The following FBXO6 variants were observed in gnomAD, a reference collection of about 807,000 sequenced individuals.
The protein encoded by FBXO6 is F-box protein 6, also known as F-box only protein 6.
FBXO6 carries 13 observed loss-of-function variants against 25.0 expected under a neutral mutation model. That is an observed-to-expected ratio of 0.52 (90% confidence interval 0.34 to 0.83). FBXO6 has a LOEUF of 0.83. Among genes scored for constraint, FBXO6 ranks in the 40% least tolerant of loss-of-function variants. The probability of loss-of-function intolerance (pLI) is 0.02; values close to 1 mark genes in which losing one functional copy is unlikely to be tolerated. For missense variants in FBXO6, 370 were observed against 380.2 expected (o/e 0.97, Z 0.22); for synonymous variants, 138 against 155.3 (o/e 0.89, Z 0.83).
At chr1:11,664,889 G>T (rs1016234596) in intron 1 of FBXO6, among the ~76,000 whole-genome samples, 3 of 152,286 alleles carry the variant, frequency 2.0e-5, no homozygotes, top group Admixed American at 6.5e-5. Context: ...CCAGGGCCGG[G>T]GGGGGGAAGG....
chr1:11,668,899 C>T lies in FBXO6; in HGVS notation c.241C>T (p.Leu81=), dbSNP rs756477067. 3.1e-6 allele frequency: 5 copies of T among 1,614,090 alleles called. 1 individual carries two copies. Among genetic ancestry groups the T allele is most frequent in the South Asian group, 2.2e-5 (2 of 91,082 alleles). ...PVADWKIFYF[L]RSLHRNLLRN... is the part of the protein sequence containing the mutation. ...GGCCGACTGGAAAATCTTCTACTTC[C>T]TACGGAGCCTGCATAGGAACCTCCT... Residue 81 remains leucine (L), a synonymous_variant, in exon 2 of 6, where the codon CTA becomes TTA. Transcript: ENST00000376753.
intron 2 of FBXO6, among the ~76,000 whole-genome samples, chr1:11,669,712 A>G (rs1640560248): frequency 7.2e-6 from 1 of 139,358 alleles, no homozygotes; most frequent in South Asian, 2.3e-4. Context: ...GTATACATAT[A>G]TGTGTATACA....
chr1:11,668,091 CAAA>C (rs371283288), intron 1 of FBXO6, among the ~76,000 whole-genome samples: 5 of 122,400 alleles, frequency 4.1e-5, no homozygotes, highest in Non-Finnish European at 6.8e-5. Context: ...GACTCTGTCT[CAAA>C]AAAAAAAAAA....
In FBXO6 at chr1:11,673,690, T is replaced by C. The variant is rs367910539; in HGVS notation, c.721T>C (p.Tyr241His). 3 of 1,613,884 alleles carry C rather than the reference T, an allele frequency of 1.9e-6. No homozygotes were observed. Among genetic ancestry groups the C allele is most frequent in the South Asian group, 2.2e-5 (2 of 91,080 alleles). Residue 241 changes from tyrosine to histidine, a missense_variant, in exon 6 of 6, where the codon TAC (tyrosine) becomes CAC (histidine). Coordinates refer to ENST00000376753, the MANE Select transcript of FBXO6 (RefSeq NM_018438.6). The surrounding 1 kb of genome is among the most constrained non-coding windows in gnomAD (Gnocchi z 4.3). ...LFQHGGRDTQ[Y>H]WAGWYGPRVT... ...CCAGCATGGGGGCAGGGACACCCAG[T>C]ACTGGGCAGGCTGGTATGGGCCCCG...
At position 11,668,880 on chromosome 1, in the gene FBXO6, C is replaced by A. The variant is rs1215742828; in HGVS notation, c.222C>A (p.Asp74Glu). ...ITKDWDQPVA[D>E]WKIFYFLRSL... The stretch of plus-strand genomic sequence containing the variant: ...AGGACTGGGACCAGCCCGTGGCCGA[C>A]TGGAAAATCTTCTACTTCCTACGGA... The change falls in exon 2 of 6, where the codon GAC (aspartate) becomes GAA (glutamate). Residue 74 changes from aspartate (D) to glutamate (E), a missense_variant. Asp to Glu is a conservative substitution (Grantham distance 45). Transcript: ENST00000376753. 2 of 1,614,184 alleles carry A rather than the reference C, an allele frequency of 1.2e-6. No homozygotes were observed. Among genetic ancestry groups the A allele is most frequent in the East Asian group, 4.5e-5 (2 of 44,874 alleles).
chr1:11,668,546 GCCA>G (rs1179319941), intron 1 of FBXO6, 107 bp from the exon 2 acceptor site: 3 of 1,368,036 alleles, frequency 2.2e-6, no homozygotes, highest in Non-Finnish European at 3.0e-6. Flanking sequence ...CCAGGCATGT[GCCA>G]CCACACCTGG....
intron 2 of FBXO6, among the ~76,000 whole-genome samples, chr1:11,670,642 G>T (rs1222088264): frequency 3.3e-5 from 5 of 151,444 alleles, no homozygotes; most frequent in African/African-American, 7.3e-5. Context: ...AAAAAAAGGG[G>T]GGGGGGGTGT....
In FBXO6 at chr1:11,671,367, A is replaced by G; in HGVS notation, c.388A>G (p.Lys130Glu). 6.2e-7 allele frequency: 1 copy of G among 1,614,116 alleles called. No homozygotes were observed. Among genetic ancestry groups the G allele is most frequent in the Non-Finnish European group, 8.5e-7 (1 of 1,179,976 alleles). Residue 130 changes from lysine (K) to glutamate (E), a missense_variant, in exon 3 of 6, where the codon AAG becomes GAG. Physicochemically the swap from Lys to Glu is moderately conservative, Grantham distance 56. Coordinates refer to ENST00000376753, the MANE Select transcript of FBXO6 (RefSeq NM_018438.6). ...GACAGATTTTCCTGACCCCAAAGTCAAGAAGTATTTTGTCACATCCTACGA... is the reference window on the plus strand; with the variant it reads ...GACAGATTTTCCTGACCCCAAAGTCGAGAAGTATTTTGTCACATCCTACGA... ...HGTDFPDPKV[K>E]KYFVTSYEMC...
At chr1:11,670,865 G>A (rs1640598314) in intron 2 of FBXO6, among the ~76,000 whole-genome samples, 1 of 152,220 alleles carries the variant, frequency 6.6e-6, no homozygotes, top group African/African-American at 2.4e-5. Context: ...TGAGGAAGGG[G>A]TTGGTTTAGA....
rs1432767230 is a variant in FBXO6, at chr1:11,664,625, C to G, written c.-4+370C>G. 10 of 152,102 alleles carry G rather than the reference C, an allele frequency of 6.6e-5. No individual in the cohort carries two copies. The South Asian group carries it at 8.3e-4, about 13-fold the overall frequency. The allele number at this position is 152,102 out of a possible 1,614,324, so 9.4% of individuals were successfully genotyped here. A position where few individuals can be genotyped will look rare whatever the true frequency, so the allele number is the denominator to read the frequency against. On this transcript the variant is annotated intron_variant, in intron 1 of 5. Transcript: ENST00000376753. Reference sequence around the variant, plus strand: ...GGCCGCCTCCACCCCGGCCACATCCCGAGGCCGGCGCCGGGTTCGGAGAAC... The same window carrying G: ...GGCCGCCTCCACCCCGGCCACATCCGGAGGCCGGCGCCGGGTTCGGAGAAC...
At chr1:11,668,292 T>C (rs866543426) in intron 1 of FBXO6, among the ~76,000 whole-genome samples, 2 of 152,092 alleles carry the variant, frequency 1.3e-5, no homozygotes, top group Non-Finnish European at 2.9e-5. Context: ...TCTAAAGACT[T>C]TACTATTTGT....
intron 3 of FBXO6, among the ~76,000 whole-genome samples, chr1:11,671,605 G>A (rs1375596347): frequency 6.6e-6 from 1 of 152,234 alleles, no homozygotes; most frequent in Non-Finnish European, 1.5e-5. Context: ...CAGGCCAGGA[G>A]TCCATTGGGC....
intron 1 of FBXO6, among the ~76,000 whole-genome samples, chr1:11,667,277 G>A (rs1398952811): frequency 2.6e-5 from 4 of 152,194 alleles, no homozygotes; most frequent in South Asian, 2.1e-4. Flanking sequence ...CCTGGCTGCC[G>A]GCCAACCCCC....
chr1:11,671,826 C>A, intron 3 of FBXO6, 102 bp from the exon 4 acceptor site: 1 of 1,094,076 alleles, frequency 9.1e-7, no homozygotes, highest in South Asian at 1.3e-5. Flanking sequence ...CCTAGGTCCC[C>A]AAACCACCTC....
rs770809552 is a variant in FBXO6, at chr1:11,673,746, C to T, written c.777C>T (p.Pro259=). ...CCAACAGCAGCATTGTCGTCAGCCC[C>T]AAGATGACCAGGAACCAGGCCTCCT... is the stretch of plus-strand genomic sequence containing the variant. ...RVTNSSIVVS[P]KMTRNQASSE... The change falls in exon 6 of 6, where the codon CCC becomes CCT. Residue 259 remains proline, a synonymous_variant. Transcript: ENST00000376753. The surrounding 1 kb of genome is among the most constrained non-coding windows in gnomAD (Gnocchi z 4.3). 7.4e-6 allele frequency: 12 copies of T among 1,613,992 alleles called. No individual in the cohort carries two copies. The highest frequency in any genetic ancestry group is 1.6e-4 in the Middle Eastern group (1 of 6,084).
chr1:11,669,242 G>T (rs1640535837), intron 2 of FBXO6, among the ~76,000 whole-genome samples: 1 of 152,186 alleles, frequency 6.6e-6, no homozygotes, highest in Non-Finnish European at 1.5e-5. Flanking sequence ...GAGATGGGCG[G>T]ATCACCTGAG....
Position 11,665,215 on chromosome 1 carries a change from CTT to C in FBXO6, c.-4+986_-4+987del, listed in dbSNP as rs541103021. 1.7e-3 allele frequency among the ~76,000 whole-genome samples: 103 copies of C among 61,562 alleles called. 1 individual carries two copies. Among genetic ancestry groups the C allele is most frequent in the African/African-American group, 5.4e-3 (76 of 14,026 alleles). 40.4% of individuals were successfully genotyped at this position (61,562 alleles called of 152,430 possible). A position where few individuals can be genotyped will look rare whatever the true frequency, so the allele number is the denominator to read the frequency against. On this transcript the variant is annotated intron_variant, in intron 1 of 5. Coordinates refer to ENST00000376753, the MANE Select transcript of FBXO6 (RefSeq NM_018438.6). ...ACGGGCCACCAGGCCTAGCTAATTT[CTT>C]TTTTTTTTTTTTTTTTTTTTTTTTT...
chr1:11,671,119 C>T (rs769284273), intron 2 of FBXO6, 147 bp from the exon 3 acceptor site: 57 of 989,462 alleles, frequency 5.8e-5, no homozygotes, highest in Non-Finnish European at 2.8e-5. Context: ...TGTCCACAGC[C>T]GCAGAGACCT....
rs113558790 is a variant in FBXO6 at position 11,669,737 on chromosome 1, T to TACACAC, written c.286+813_286+818dup. 5.7e-3 allele frequency among the ~76,000 whole-genome samples: 787 copies of TACACAC among 139,004 alleles called. 9 individuals are homozygous for TACACAC. The highest frequency in any genetic ancestry group is 0.036 in the East Asian group (160 of 4,442). The allele number at this position is 139,004 out of a possible 152,430, so 91.2% of individuals were successfully genotyped here. On this transcript the variant is annotated intron_variant, in intron 2 of 5. Transcript: ENST00000376753. ...ATGTGTATACATATATACATATACA[T>TACACAC]ACACACACACACACACACACACACA...
Sources: allele counts gnomAD v4.1 joint callset (sites outside exome capture counted in the v4.1 genomes callset), GRCh38; gene constraint gnomAD v4.1.1; non-coding constraint Gnocchi (gnomAD v3.1); transcripts MANE v1.5; gene names NCBI Gene and HGNC (gene_info 2026-07-23, HGNC 2026-07-21).